SLC39A11: variants seen among roughly 807,000 people sequenced by gnomAD.
The protein encoded by SLC39A11 is solute carrier family 39 member 11.
In SLC39A11, 33 loss-of-function variants were observed where a neutral mutation model predicts 36.1. The observed-to-expected ratio is 0.91, with a 90% CI of 0.69 to 1.22. The LOEUF (loss-of-function observed/expected upper bound fraction) is 1.22, where lower values mean the gene tolerates loss of function less well. Ranked by LOEUF, SLC39A11 falls within the 50% of genes most tolerant of loss-of-function variation. SLC39A11 has a pLI of 0.00. For synonymous variants in SLC39A11, 166 were observed against 170.3 expected (o/e 0.97, Z 0.20); for missense variants, 432 against 430.3 (o/e 1.00, Z -0.03).
intron 5 of SLC39A11, among the ~76,000 whole-genome samples, chr17:72,853,820 A>C (rs1413959852): frequency 6.6e-6 from 1 of 152,110 alleles, no homozygotes; most frequent in Non-Finnish European, 1.5e-5. Context: ...TGGTAAGGCT[A>C]GTTCAACCAT....
chr17:72,899,198 C>T (rs1220791950), intron 5 of SLC39A11, among the ~76,000 whole-genome samples: 3 of 152,210 alleles, frequency 2.0e-5, no homozygotes, highest in Middle Eastern at 3.4e-3. Flanking sequence ...AGGGCAGCTC[C>T]ATTTCCCCAG....
chr17:72,962,146 TTC>T (rs1299864879), intron 4 of SLC39A11, among the ~76,000 whole-genome samples: 2 of 152,182 alleles, frequency 1.3e-5, no homozygotes, highest in African/African-American at 2.4e-5. Context: ...GCATCTTCCC[TTC>T]TCTCTCTTTT....
At chr17:72,800,349 C>T (rs185250808) in intron 6 of SLC39A11, among the ~76,000 whole-genome samples, 80 of 139,104 alleles carry the variant, frequency 5.8e-4, no homozygotes, top group Middle Eastern at 4.2e-3. Context: ...CTTGCCCTGT[C>T]GCCCAGGCTG....
intron 3 of SLC39A11, among the ~76,000 whole-genome samples, chr17:73,075,707 G>C (rs376065585): frequency 6.6e-6 from 1 of 152,106 alleles, no homozygotes; most frequent in Non-Finnish European, 1.5e-5. Context: ...ACAAACATTA[G>C]CTAGGCGTGG....
At chr17:72,750,415 T>C (rs978514867) in intron 6 of SLC39A11, among the ~76,000 whole-genome samples, 1 of 137,864 alleles carries the variant, frequency 7.3e-6, no homozygotes, top group Admixed American at 7.2e-5. Flanking sequence ...GACTATGGAA[T>C]ACCTCTGGAG....
chr17:72,971,336 A>ACTCTCTCT (rs369016332), intron 4 of SLC39A11, among the ~76,000 whole-genome samples: 14 of 143,498 alleles, frequency 9.8e-5, no homozygotes, highest in African/African-American at 3.3e-4. Flanking sequence ...ACACACACAC[A>ACTCTCTCT]CTCTCTCTCT....
rs116740097 is a variant in SLC39A11, at chr17:72,732,620, C to A, written c.671+4030G>T. On this transcript the variant is annotated intron_variant, in intron 7 of 9. Coordinates refer to ENST00000255559, the MANE Select transcript of SLC39A11 (RefSeq NM_139177.4). ...AGTTTTGTGAGTGCTATCTTTCCTG[C>A]GCAGCGGCATGTTTCCCTCTGTGGT... Among the ~76,000 whole-genome samples the A allele has an allele frequency of 4.0e-3, 616 of 152,244 alleles. 4 individuals are homozygous for A. Among genetic ancestry groups the A allele is most frequent in the African/African-American group, 0.014 (590 of 41,530 alleles).
At chr17:73,019,226 A>G (rs1243445513) in intron 4 of SLC39A11, among the ~76,000 whole-genome samples, 2 of 152,244 alleles carry the variant, frequency 1.3e-5, no homozygotes, top group Non-Finnish European at 2.9e-5. Context: ...AGATAAAAAT[A>G]TGGGTCTACT....
At chr17:72,842,496 C>T (rs1310269616) in intron 6 of SLC39A11, among the ~76,000 whole-genome samples, 2 of 152,114 alleles carry the variant, frequency 1.3e-5, no homozygotes, top group East Asian at 1.9e-4. Flanking sequence ...CTGTTGAGAC[C>T]ATAAGGTACT....
chr17:72,647,521 C>A lies in SLC39A11; in HGVS notation c.*63G>T. On this transcript the variant is annotated 3_prime_UTR_variant, in exon 10 of 10. Coordinates refer to ENST00000255559, the MANE Select transcript of SLC39A11 (RefSeq NM_139177.4). The stretch of plus-strand genomic sequence containing the variant: ...ATGTGAAGAAAGAAGCTTGTTGTCC[C>A]ATAGAAGCCAACCACTGCTGTTTCT... 1 of 1,397,236 alleles carries A rather than the reference C, an allele frequency of 7.2e-7. No individual in the cohort carries two copies. Among genetic ancestry groups the A allele is most frequent in the Non-Finnish European group, 1.0e-6 (1 of 1,002,188 alleles). The allele number at this position is 1,397,236 out of a possible 1,614,324, so 86.6% of individuals were successfully genotyped here.
At chr17:73,045,784 C>T (rs919174155) in intron 3 of SLC39A11, among the ~76,000 whole-genome samples, 1 of 152,174 alleles carries the variant, frequency 6.6e-6, no homozygotes, top group East Asian at 1.9e-4. Context: ...TAAAAAACAA[C>T]AGCAACAACA....
At chr17:72,743,634 C>T (rs1025478584) in intron 6 of SLC39A11, among the ~76,000 whole-genome samples, 12 of 152,070 alleles carry the variant, frequency 7.9e-5, no homozygotes, top group African/African-American at 2.2e-4. Flanking sequence ...AGGTGATCCC[C>T]GAGAGCTAAG....
At chr17:73,053,737 C>A (rs2059581141) in intron 3 of SLC39A11, among the ~76,000 whole-genome samples, 3 of 152,182 alleles carry the variant, frequency 2.0e-5, no homozygotes, top group Non-Finnish European at 4.4e-5. Flanking sequence ...AAAAGGGCTC[C>A]AGCCCATGGT....
At chr17:72,768,826 T>C (rs544298510) in intron 6 of SLC39A11, among the ~76,000 whole-genome samples, 1 of 151,784 alleles carries the variant, frequency 6.6e-6, no homozygotes, top group African/African-American at 2.4e-5. Context: ...AGTGGTGTGA[T>C]CTCGGCTCAC....
intron 5 of SLC39A11, among the ~76,000 whole-genome samples, chr17:72,852,038 T>G (rs1015780992): frequency 1.3e-5 from 2 of 151,098 alleles, no homozygotes; most frequent in Middle Eastern, 3.4e-3. Flanking sequence ...CTATCTCTAC[T>G]AAAAATACAA....
intron 5 of SLC39A11, among the ~76,000 whole-genome samples, chr17:72,924,161 AAT>A (rs2083883529): frequency 1.8e-5 from 2 of 113,804 alleles, no homozygotes; most frequent in African/African-American, 6.6e-5. Context: ...AAAAAAAAAA[AAT>A]TTTTTTTTTT....
intron 7 of SLC39A11, among the ~76,000 whole-genome samples, chr17:72,680,041 C>CAAAA (rs199650969): frequency 4.7e-4 from 34 of 71,686 alleles, no homozygotes; most frequent in African/African-American, 1.2e-3. Context: ...GACTCTGTCT[C>CAAAA]AAAAAAAAAA....
At chr17:72,983,310 C>T (rs2148199129) in intron 4 of SLC39A11, among the ~76,000 whole-genome samples, 2 of 152,214 alleles carry the variant, frequency 1.3e-5, no homozygotes. Context: ...CCACCACAAC[C>T]AGCTAATTTT....
At chr17:72,815,482 T>TGGCATACA (rs1284234439) in intron 6 of SLC39A11, among the ~76,000 whole-genome samples, 17 of 152,026 alleles carry the variant, frequency 1.1e-4, no homozygotes, top group South Asian at 6.2e-4. Context: ...CAGGTCATGG[T>TGGCATACA]GGCAGGTGCC....
Sources: allele counts gnomAD v4.1 joint callset (sites outside exome capture counted in the v4.1 genomes callset), GRCh38; gene constraint gnomAD v4.1.1; transcripts MANE v1.5; gene names NCBI Gene and HGNC (gene_info 2026-07-23, HGNC 2026-07-21).